Variants in PRLR observed in about 807,000 individuals in gnomAD.
PRLR encodes prolactin receptor.
PRLR carries 13 observed loss-of-function variants against 40.2 expected under a neutral mutation model. That is an observed-to-expected ratio of 0.32 (90% CI 0.21 to 0.51). The LOEUF is 0.51. PRLR is among the 20% of genes least tolerant of loss of function. The pLI, the probability that PRLR is intolerant of heterozygous loss-of-function variation, is 0.97. For missense variants in PRLR, 656 were observed against 747.3 expected, an observed-to-expected ratio of 0.88 and a Z score of 1.42; for synonymous variants, 269 against 278.7, an observed-to-expected ratio of 0.97 and a Z score of 0.35.
Position 35,129,670 on chromosome 5 carries a change from T to TG in PRLR, c.-105-11549_-105-11548insC, listed in dbSNP as rs71600969. Among the ~76,000 whole-genome samples, 58 of 94,854 alleles carry TG rather than the reference T, an allele frequency of 6.1e-4. No individual in the cohort carries two copies. The African/African-American group carries it at 6.1e-3, about 10-fold the overall frequency. 62.2% of individuals were successfully genotyped at this position (94,854 alleles called of 152,430 possible). ...GATAGGTTTTAAGCACTGTAATCAA[T>TG]TTTTTTTTTTTTACTCATTGGGTAC... On this transcript the variant is annotated intron_variant, in intron 1 of 9. Coordinates refer to ENST00000618457, the MANE Select transcript of PRLR (RefSeq NM_000949.7).
intron 1 of PRLR, among the ~76,000 whole-genome samples, chr5:35,176,592 C>T (rs1465201560): frequency 6.6e-6 from 1 of 152,210 alleles, no homozygotes; most frequent in Admixed American, 6.5e-5. Flanking sequence ...GCAAGATGTG[C>T]TTTGTTAAAC....
At position 35,065,424 on chromosome 5, in the gene PRLR, T is replaced by A. The variant is rs750275783; in HGVS notation, c.1534A>T (p.Ile512Phe). ...GCACCATCTTTGTTGACCTTGTGAA[T>A]CTCCACATAATCCAAGGGTTTAGCG... is the stretch of plus-strand genomic sequence containing the variant. ...GSAKPLDYVE[I>F]HKVNKDGALS... Residue 512 changes from isoleucine (I) to phenylalanine (F), a missense_variant, in exon 10 of 10, where the codon ATT becomes TTT. By Grantham distance (21) the Ile-to-Phe change is conservative (BLOSUM62 0). Around this residue, in one of 3 missense-constraint regions of PRLR, gnomAD observed 469 missense variants for 491.5 expected, o/e 0.95. Coordinates refer to ENST00000618457, the MANE Select transcript of PRLR (RefSeq NM_000949.7). The A allele has an allele frequency of 1.9e-6, 3 of 1,614,084 alleles. No individual in the cohort carries two copies. The highest frequency in any genetic ancestry group is 2.5e-6 in the Non-Finnish European group (3 of 1,180,012).
chr5:35,101,112 C>T (rs562114200), intron 2 of PRLR, among the ~76,000 whole-genome samples: 8 of 152,302 alleles, frequency 5.3e-5, no homozygotes, highest in Admixed American at 2.6e-4. Flanking sequence ...GCCATTGTCC[C>T]GTCTGGAATA....
chr5:35,198,226 G>A (rs149884517), intron 1 of PRLR, among the ~76,000 whole-genome samples: 69 of 152,342 alleles, frequency 4.5e-4, no homozygotes, highest in African/African-American at 1.6e-3. Flanking sequence ...GAGAAGGCTT[G>A]CCCCAGGAAG....
chr5:35,068,144 G>T, intron 9 of PRLR, 72 bp downstream of exon 9: 1 of 1,351,088 alleles, frequency 7.4e-7, no homozygotes, highest in Non-Finnish European at 1.1e-6. Context: ...GACGGGGACT[G>T]TGTGTGAGTG....
At chr5:35,100,151 T>C (rs1771783011) in intron 2 of PRLR, among the ~76,000 whole-genome samples, 1 of 142,276 alleles carries the variant, frequency 7.0e-6, no homozygotes, top group Non-Finnish European at 1.5e-5. Flanking sequence ...GCCATTGCAC[T>C]GCAGCCTGGG....
intron 1 of PRLR, among the ~76,000 whole-genome samples, chr5:35,195,965 A>G (rs1271008591): frequency 6.6e-6 from 1 of 152,196 alleles, no homozygotes; most frequent in Non-Finnish European, 1.5e-5. Context: ...AACGATTTTG[A>G]ATAAAAATAT....
intron 2 of PRLR, among the ~76,000 whole-genome samples, chr5:35,097,310 G>T (rs1771592048): frequency 6.6e-6 from 1 of 152,208 alleles, no homozygotes; most frequent in Non-Finnish European, 1.5e-5. Flanking sequence ...TCCACTGCAT[G>T]CCAGGCACTG....
In PRLR at chr5:35,197,188, G is replaced by A. The variant is rs151179088; in HGVS notation, c.-106+33080C>T. On this transcript the variant is annotated intron_variant, in intron 1 of 9. Transcript: ENST00000618457. Reference sequence around the variant, plus strand: ...AATCCAAAGTTTAATCCAATTTGCCGAGGACCTTAGCTATGATGTGGAATC... The same window carrying A: ...AATCCAAAGTTTAATCCAATTTGCCAAGGACCTTAGCTATGATGTGGAATC... Among the ~76,000 whole-genome samples the A allele has an allele frequency of 7.2e-3, 1,091 of 152,056 alleles. 17 individuals carry two copies. The highest frequency in any genetic ancestry group is 0.025 in the African/African-American group (1,035 of 41,468).
At position 35,065,786 on chromosome 5, in the gene PRLR, G is replaced by C. The variant is rs1769329162; in HGVS notation, c.1172C>G (p.Thr391Ser). 1.2e-6 allele frequency: 2 copies of C among 1,614,128 alleles called. No homozygotes were observed. The highest frequency in any genetic ancestry group is 1.7e-6 in the Non-Finnish European group (2 of 1,180,012). Residue 391 changes from threonine (T) to serine (S), a missense_variant, in exon 10 of 10, where the codon ACC becomes AGC. Physicochemically the swap from Thr to Ser is moderately conservative, Grantham distance 58. This residue lies in a region of PRLR where 469 missense variants were observed against 491.5 expected (regional missense o/e 0.95). Coordinates refer to ENST00000618457, the MANE Select transcript of PRLR (RefSeq NM_000949.7). Reference protein sequence around the residue: ...EKPENPETTHTWDPQCISMEG... With the variant: ...EKPENPETTHSWDPQCISMEG... ...CATGCTTATGCACTGGGGGTCCCAG[G>C]TGTGGGTTGTTTCAGGATTCTCTGG... is the stretch of plus-strand genomic sequence containing the variant.
intron 5 of PRLR, among the ~76,000 whole-genome samples, chr5:35,075,588 C>A (rs1188211754): frequency 6.6e-6 from 1 of 152,222 alleles, no homozygotes; most frequent in South Asian, 2.1e-4. Context: ...GCCGGCCTGC[C>A]TCTGTGGACT....
chr5:35,202,643 T>C (rs550078134), intron 1 of PRLR, among the ~76,000 whole-genome samples: 1 of 152,262 alleles, frequency 6.6e-6, no homozygotes, highest in East Asian at 1.9e-4. Flanking sequence ...GACTGGCACA[T>C]AGTGGGTGAG....
At chr5:35,151,550 A>G (rs2111864554) in intron 1 of PRLR, among the ~76,000 whole-genome samples, 1 of 151,952 alleles carries the variant, frequency 6.6e-6, no homozygotes, top group African/African-American at 2.4e-5. Context: ...GGGTGGCAAA[A>G]GTGATGCTGC....
At chr5:35,133,964 C>T (rs1014800921) in intron 1 of PRLR, among the ~76,000 whole-genome samples, 10 of 152,032 alleles carry the variant, frequency 6.6e-5, no homozygotes, top group Admixed American at 1.3e-4. Context: ...TGCTCTCACT[C>T]ATAAGTGGGA....
At position 35,156,142 on chromosome 5, in the gene PRLR, A is replaced by AAC. The variant is rs1378386536; in HGVS notation, c.-105-38021_-105-38020insGT. 2.7e-3 allele frequency among the ~76,000 whole-genome samples: 410 copies of AAC among 149,824 alleles called. 4 individuals carry two copies. The highest frequency in any genetic ancestry group is 9.6e-3 in the African/African-American group (390 of 40,514). On this transcript the variant is annotated intron_variant, in intron 1 of 9. Coordinates refer to ENST00000618457, the MANE Select transcript of PRLR (RefSeq NM_000949.7). ...TTGCTCAAGATAAAAAAAAAAAACA[A>AAC]AAAAAAAAACAAAACCAACTTTGAA...
chr5:35,090,408 CA>C (rs1265116446), intron 2 of PRLR, among the ~76,000 whole-genome samples: 1 of 152,058 alleles, frequency 6.6e-6, no homozygotes, highest in African/African-American at 2.4e-5. Flanking sequence ...GAACAACGTT[CA>C]AAGCCTCTAA....
intron 1 of PRLR, among the ~76,000 whole-genome samples, chr5:35,208,170 C>G (rs963822889): frequency 5.2e-5 from 1 of 19,126 alleles, no homozygotes; most frequent in African/African-American, 1.2e-4. Flanking sequence ...CACACACCCA[C>G]GCGCGCGCAC....
At chr5:35,209,113 G>C (rs1405593969) in intron 1 of PRLR, among the ~76,000 whole-genome samples, 1 of 151,552 alleles carries the variant, frequency 6.6e-6, no homozygotes, top group Admixed American at 6.6e-5. Context: ...TTAAAAATGA[G>C]AGAGGAAAAT....
chr5:35,198,675 C>T (rs1296874102), intron 1 of PRLR, among the ~76,000 whole-genome samples: 1 of 152,170 alleles, frequency 6.6e-6, no homozygotes, highest in African/African-American at 2.4e-5. Context: ...ATGTTAGCTG[C>T]TGAAAGAAAT....
Sources: allele counts gnomAD v4.1 joint callset (sites outside exome capture counted in the v4.1 genomes callset), GRCh38; gene constraint gnomAD v4.1.1; regional missense constraint gnomAD v4.1.1; transcripts MANE v1.5; gene names NCBI Gene and HGNC (gene_info 2026-07-23, HGNC 2026-07-21).